ULK4: variants seen among roughly 807,000 people sequenced by gnomAD.
ULK4 encodes the protein inactive serine/threonine-protein kinase ULK4.
In ULK4, 133 loss-of-function variants were observed where a neutral mutation model predicts 160.6. The ratio of observed to expected loss-of-function variants is 0.83; its 90% confidence interval spans 0.72 to 0.96. The LOEUF is 0.96. Among genes scored for constraint, ULK4 ranks in the 40% least tolerant of loss-of-function variants. The pLI is 0.00. For synonymous variants in ULK4, 534 were observed against 539.8 expected (o/e 0.99, Z 0.15); for missense variants, 1,580 against 1,499.5 (o/e 1.05, Z -0.89).
At chr3:41,840,787 G>A (rs898149854) in intron 17 of ULK4, among the ~76,000 whole-genome samples, 10 of 152,090 alleles carry the variant, frequency 6.6e-5, no homozygotes, top group African/African-American at 1.7e-4. Context: ...GCCTCTGCCC[G>A]GCTGCCACTC....
intron 21 of ULK4, among the ~76,000 whole-genome samples, chr3:41,785,922 A>C (rs1053819515): frequency 1.3e-5 from 2 of 151,996 alleles, no homozygotes; most frequent in Non-Finnish European, 1.5e-5. Context: ...CATCTCCCTA[A>C]GATCTCTCAC....
At chr3:41,314,393 A>G (rs542267465) in intron 35 of ULK4, among the ~76,000 whole-genome samples, 125 of 152,078 alleles carry the variant, frequency 8.2e-4, no homozygotes, top group Middle Eastern at 3.4e-3. Context: ...TCCAATGTCT[A>G]TTATTCCCCT....
intron 32 of ULK4, among the ~76,000 whole-genome samples, chr3:41,496,681 T>C (rs2125912518): frequency 6.6e-6 from 1 of 152,234 alleles, no homozygotes; most frequent in Admixed American, 6.5e-5. Flanking sequence ...GGAAGCATGA[T>C]CGAGAACAGC....
At position 41,931,836 on chromosome 3, in the gene ULK4, C is replaced by G; in HGVS notation, c.541+8G>C. On this transcript the variant is annotated splice_region_variant and intron_variant, in intron 5 of 36. Coordinates refer to ENST00000301831, the MANE Select transcript of ULK4 (RefSeq NM_017886.4). ...GTTATGATCTTTAAGCTTTCCAGGT[C>G]CACATACCTTTGACTCTACTTTTCA... 1 of 1,613,872 alleles carries G rather than the reference C, an allele frequency of 6.2e-7. No individual in the cohort carries two copies. Among genetic ancestry groups the G allele is most frequent in the Non-Finnish European group, 8.5e-7 (1 of 1,179,878 alleles).
intron 35 of ULK4, among the ~76,000 whole-genome samples, chr3:41,310,482 A>G (rs2080027960): frequency 6.6e-6 from 1 of 152,186 alleles, no homozygotes. Context: ...GGAAAATCAG[A>G]AAAACACAGT....
chr3:41,624,747 T>C (rs1407392371), intron 30 of ULK4, among the ~76,000 whole-genome samples: 1 of 152,230 alleles, frequency 6.6e-6, no homozygotes, highest in South Asian at 2.1e-4. Context: ...TTCATCCTTA[T>C]CGTCACAAAT....
intron 35 of ULK4, among the ~76,000 whole-genome samples, chr3:41,291,909 C>A (rs2079572886): frequency 1.3e-5 from 2 of 151,558 alleles, no homozygotes; most frequent in South Asian, 4.2e-4. Flanking sequence ...CGGCTCACTG[C>A]AAGCTCCGCC....
chr3:41,710,513 A>G (rs2037055904), intron 25 of ULK4, among the ~76,000 whole-genome samples: 1 of 151,980 alleles, frequency 6.6e-6, no homozygotes, highest in African/African-American at 2.4e-5. Flanking sequence ...TTGTCAGAGA[A>G]CCGGACGTGG....
intron 32 of ULK4, among the ~76,000 whole-genome samples, chr3:41,514,913 GA>G (rs1355528269): frequency 6.6e-6 from 1 of 151,892 alleles, no homozygotes; most frequent in Non-Finnish European, 1.5e-5. Context: ...GTACAAATAA[GA>G]AAAAAAGAAA....
chr3:41,593,898 C>T (rs72860689), intron 31 of ULK4, among the ~76,000 whole-genome samples: 5 of 151,240 alleles, frequency 3.3e-5, no homozygotes, highest in African/African-American at 7.3e-5. Context: ...CCAGGTATCA[C>T]GGCATGTATC....
At chr3:41,640,164 G>A (rs1575512858) in intron 30 of ULK4, among the ~76,000 whole-genome samples, 1 of 152,044 alleles carries the variant, frequency 6.6e-6, no homozygotes, top group African/African-American at 2.4e-5. Flanking sequence ...CATTTCTATT[G>A]GCATACAGGC....
rs528791039 is a variant in ULK4, at chr3:41,568,464, A to G, written c.3121-2334T>C. 5.1e-4 allele frequency among the ~76,000 whole-genome samples: 77 copies of G among 152,362 alleles called. 1 individual carries two copies. The South Asian group carries it at 0.015, about 29-fold the overall frequency. On this transcript the variant is annotated intron_variant, in intron 31 of 36. Transcript: ENST00000301831. Reference sequence around the variant, plus strand: ...CTATGTTCATAAGTGATACTGACTTATAAGTGACACCCTCTTCTGATTTTA... The same window carrying G: ...CTATGTTCATAAGTGATACTGACTTGTAAGTGACACCCTCTTCTGATTTTA...
intron 31 of ULK4, among the ~76,000 whole-genome samples, chr3:41,586,927 A>C (rs1387663577): frequency 6.6e-6 from 1 of 152,166 alleles, no homozygotes; most frequent in Non-Finnish European, 1.5e-5. Context: ...ATTAATACTT[A>C]GGGGCAAAAA....
chr3:41,276,742 G>GT (rs1265567599), intron 35 of ULK4, among the ~76,000 whole-genome samples: 3 of 152,174 alleles, frequency 2.0e-5, no homozygotes, highest in African/African-American at 7.2e-5. Flanking sequence ...AAATCAATAA[G>GT]TATAAGGTCA....
At chr3:41,611,659 T>C (rs945152740) in intron 31 of ULK4, among the ~76,000 whole-genome samples, 1 of 151,292 alleles carries the variant, frequency 6.6e-6, no homozygotes, top group Non-Finnish European at 1.5e-5. Flanking sequence ...TACATGCCCA[T>C]GACCCAAGCC....
intron 19 of ULK4, among the ~76,000 whole-genome samples, chr3:41,811,252 A>G (rs955310781): frequency 6.6e-6 from 1 of 151,352 alleles, no homozygotes; most frequent in African/African-American, 2.4e-5. Context: ...GCTGGAATGC[A>G]GTAGCACACT....
intron 32 of ULK4, among the ~76,000 whole-genome samples, chr3:41,470,282 C>G (rs748125580): frequency 2.0e-5 from 3 of 152,108 alleles, no homozygotes; most frequent in Non-Finnish European, 4.4e-5. Context: ...CAGTAGATTT[C>G]TTAACAGAAT....
At chr3:41,282,094 A>G (rs1429978754) in intron 35 of ULK4, among the ~76,000 whole-genome samples, 3 of 152,068 alleles carry the variant, frequency 2.0e-5, no homozygotes, top group Admixed American at 1.3e-4. Flanking sequence ...CAACTTACAA[A>G]GGATGTCAAG....
chr3:41,479,391 C>A (rs1241486208), intron 32 of ULK4, among the ~76,000 whole-genome samples: 1 of 152,156 alleles, frequency 6.6e-6, no homozygotes, highest in Non-Finnish European at 1.5e-5. Flanking sequence ...CCTTCACAGC[C>A]CATATAAATA....
Sources: gnomAD v4.1 joint callset for allele counts (sites outside exome capture counted in the v4.1 genomes callset) on GRCh38, gnomAD v4.1.1 for gene constraint, MANE v1.5 for transcripts, NCBI Gene and HGNC (gene_info 2026-07-23, HGNC 2026-07-21) for gene names.